RPL11: variants seen among roughly 807,000 people sequenced by gnomAD.
RPL11 encodes the protein large ribosomal subunit protein uL5.
Under a neutral mutation model 24.1 loss-of-function variants are expected in RPL11, and 3 were observed. The observed-to-expected ratio is 0.12, with a 90% CI of 0.06 to 0.32. The LOEUF is 0.32. Ranked by LOEUF, RPL11 falls within the 10% of genes least tolerant of loss-of-function variation. RPL11 has a pLI of 1.00. For synonymous variants in RPL11, 96 were observed against 75.7 expected (o/e 1.27, Z -1.39); for missense variants, 146 against 225.7 (o/e 0.65, Z 2.26).
Position 23,696,394 on chromosome 1 carries a change from G to A in RPL11, c.*21G>A, listed in dbSNP as rs1415275080. The stretch of plus-strand genomic sequence containing the variant: ...AATAAATTCCCGTTTCTATCCAAAA[G>A]AGCAATAAAAAGTTTTCAGTGAAAT... On this transcript the variant is annotated 3_prime_UTR_variant, in exon 6 of 6. Transcript: ENST00000643754. 45 of 1,611,822 alleles carry A rather than the reference G, an allele frequency of 2.8e-5. No homozygotes were observed. The highest frequency in any genetic ancestry group is 4.0e-5 in the African/African-American group (3 of 74,892).
At chr1:23,692,507 G>C in intron 1 of RPL11, 102 bp from the exon 2 acceptor site, 1 of 1,483,180 alleles carries the variant, frequency 6.7e-7, no homozygotes, top group African/African-American at 1.4e-5. Flanking sequence ...TCTTCGTTAC[G>C]ATTTGGGATG....
At chr1:23,694,190 A>G (rs143484016) in intron 3 of RPL11, among the ~76,000 whole-genome samples, 3,493 of 152,220 alleles carry the variant, frequency 0.023, 66 homozygotes, top group African/African-American at 0.052. Context: ...ATCCTGGCCA[A>G]CATGGTGAAA....
At chr1:23,692,365 C>T in intron 1 of RPL11, 1 of 510,802 alleles carries the variant, frequency 2.0e-6, no homozygotes, top group East Asian at 3.6e-5. Flanking sequence ...ATCTCAGTGT[C>T]CGTATCTTTT....
chr1:23,693,706 T>G (rs1644515877), intron 2 of RPL11, 101 bp from the exon 3 acceptor site: 1 of 792,622 alleles, frequency 1.3e-6, no homozygotes, highest in Non-Finnish European at 2.2e-6. Flanking sequence ...TGTGGATGAA[T>G]GCTTAATGTC....
intron 4 of RPL11, chr1:23,695,581 G>A (rs1355198765): frequency 1.7e-6 from 1 of 593,218 alleles, no homozygotes; most frequent in Non-Finnish European, 3.1e-6. Context: ...GGTTAGGGGG[G>A]TGCTGAAAGT....
At chr1:23,695,431 T>C (rs1028267572) in intron 4 of RPL11, 4 of 305,620 alleles carry the variant, frequency 1.3e-5, no homozygotes, top group East Asian at 8.0e-5. Flanking sequence ...GAAGAAAATA[T>C]ATATATTTGT....
At chr1:23,692,205 C>T in intron 1 of RPL11, 1 of 447,062 alleles carries the variant, frequency 2.2e-6, no homozygotes, top group Admixed American at 3.7e-5. Flanking sequence ...AAGGTGCCAG[C>T]CTTTAGACAG....
intron 4 of RPL11, 72 bp downstream of exon 4, chr1:23,694,863 T>C: frequency 6.2e-7 from 1 of 1,605,844 alleles, no homozygotes; most frequent in Non-Finnish European, 8.5e-7. Flanking sequence ...ATGTGGTATG[T>C]TGGTGTTCAC....
In RPL11 at chr1:23,696,397, C is replaced by T. The variant is rs1337416866; in HGVS notation, c.*24C>T. ...AAATTCCCGTTTCTATCCAAAAGAG[C>T]AATAAAAAGTTTTCAGTGAAATGTG... On this transcript the variant is annotated 3_prime_UTR_variant, in exon 6 of 6. Transcript: ENST00000643754. The T allele has an allele frequency of 8.7e-6, 14 of 1,609,662 alleles. No homozygotes were observed. The highest frequency in any genetic ancestry group is 4.4e-5 in the South Asian group (4 of 90,958).
At chr1:23,694,384 A>T (rs1242010937) in intron 3 of RPL11, among the ~76,000 whole-genome samples, 1 of 152,102 alleles carries the variant, frequency 6.6e-6, no homozygotes, top group East Asian at 1.9e-4. Flanking sequence ...GTCTCAAAAA[A>T]AAAAAAGAAA....
chr1:23,692,488 C>T, intron 1 of RPL11, 121 bp from the exon 2 acceptor site: 7 of 1,286,588 alleles, frequency 5.4e-6, no homozygotes, highest in South Asian at 3.6e-5. Context: ...ACCTTTTAAA[C>T]ATTCAGGGTC....
chr1:23,695,914 G>A lies in RPL11; in HGVS notation c.507+6G>A. The stretch of plus-strand genomic sequence containing the variant: ...TGCGCTGGTTCCAGCAGAAGGTAAA[G>A]CTGATTTATCTCAAGTGAAGTGGTG... On this transcript the variant is annotated splice_donor_region_variant and intron_variant, in intron 5 of 5. Coordinates refer to ENST00000643754, the MANE Select transcript of RPL11 (RefSeq NM_000975.5). 2 of 1,568,100 alleles carry A rather than the reference G, an allele frequency of 1.3e-6. No individual in the cohort carries two copies. The highest frequency in any genetic ancestry group is 1.2e-5 in the South Asian group (1 of 85,070).
chr1:23,692,111 AG>A, intron 1 of RPL11: 14 of 567,900 alleles, frequency 2.5e-5, no homozygotes, highest in East Asian at 9.0e-5. Flanking sequence ...GTTCTGAGGC[AG>A]GGGGGTCCGG....
rs1644509000 is a variant in RPL11 at position 23,692,742 on chromosome 1, C to A, written c.140C>A (p.Thr47Asn). 2 of 1,613,664 alleles carry A rather than the reference C, an allele frequency of 1.2e-6. No homozygotes were observed. Among genetic ancestry groups the A allele is most frequent in the Admixed American group, 3.3e-5 (2 of 59,988 alleles). Residue 47 changes from threonine to asparagine, a missense_variant, in exon 2 of 6, where the codon ACC becomes AAC. By Grantham distance (65) the Thr-to-Asn change is moderately conservative. Transcript: ENST00000643754. ...GTGTTGGAGCAGCTCACAGGGCAGA[C>A]CCCTGTGTTTTCCAAAGGTGAGTAG... ...AKVLEQLTGQ[T>N]PVFSKARYTV...
intron 5 of RPL11, 35 bp from the exon 6 acceptor site, chr1:23,696,309 C>G (rs776720479): frequency 1.2e-6 from 2 of 1,609,034 alleles, no homozygotes; most frequent in Non-Finnish European, 1.7e-6. Flanking sequence ...GCTGTTGCCT[C>G]CTGTTCTGAA....
In RPL11 at chr1:23,692,756, A is replaced by G. The variant is rs571585774; in HGVS notation, c.154A>G (p.Lys52Glu). 1 of 1,613,476 alleles carries G rather than the reference A, an allele frequency of 6.2e-7. No homozygotes were observed. The highest frequency in any genetic ancestry group is 8.5e-7 in the Non-Finnish European group (1 of 1,179,928). The change falls in exon 2 of 6, where the codon AAA becomes GAA. Residue 52 changes from lysine to glutamate, a missense_variant. Lys to Glu is a moderately conservative substitution (Grantham distance 56, BLOSUM62 1). Coordinates refer to ENST00000643754, the MANE Select transcript of RPL11 (RefSeq NM_000975.5). Reference protein sequence around the residue: ...QLTGQTPVFSKARYTVRSFGI... With the variant: ...QLTGQTPVFSEARYTVRSFGI... ...CACAGGGCAGACCCCTGTGTTTTCC[A>G]AAGGTGAGTAGTCACAAGGACATAC... is the stretch of plus-strand genomic sequence containing the variant.
rs936634614 is a variant in RPL11, at chr1:23,696,706, C to T, written c.*333C>T. ...CTTGGTTAAGCAGGGTGCAGTGCTCCTGTGTTCCAGGAGGCCCCCTGCTAT... is the reference window on the plus strand; with the variant it reads ...CTTGGTTAAGCAGGGTGCAGTGCTCTTGTGTTCCAGGAGGCCCCCTGCTAT... On this transcript the variant is annotated 3_prime_UTR_variant, in exon 6 of 6. Transcript: ENST00000643754. 11 of 426,806 alleles carry T rather than the reference C, an allele frequency of 2.6e-5. No individual in the cohort carries two copies. Among genetic ancestry groups the T allele is most frequent in the Non-Finnish European group, 4.3e-5 (10 of 230,336 alleles). 26.4% of individuals were successfully genotyped at this position (426,806 alleles called of 1,614,324 possible).
At position 23,692,564 on chromosome 1, in the gene RPL11, G is replaced by T. The variant is rs763978783; in HGVS notation, c.7-45G>T. 4.3e-6 allele frequency: 7 copies of T among 1,612,908 alleles called. No homozygotes were observed. The African/African-American group carries it at 9.3e-5, about 22-fold the overall frequency. ...CAGATAGAAAGTAGTAAAACTCAGGGCCCTCAGCTGTGAGTGTATTGACTG... is the reference window on the plus strand; with the variant it reads ...CAGATAGAAAGTAGTAAAACTCAGGTCCCTCAGCTGTGAGTGTATTGACTG... On this transcript the variant is annotated intron_variant, in intron 1 of 5. Transcript: ENST00000643754.
intron 1 of RPL11, chr1:23,692,322 C>T: frequency 6.7e-6 from 3 of 445,326 alleles, no homozygotes; most frequent in South Asian, 4.7e-5. Context: ...ACAATGGGGG[C>T]GCTCTTTGTT....
Sources: gnomAD v4.1 joint callset for allele counts (sites outside exome capture counted in the v4.1 genomes callset) on GRCh38, gnomAD v4.1.1 for gene constraint, MANE v1.5 for transcripts, NCBI Gene and HGNC (gene_info 2026-07-23, HGNC 2026-07-21) for gene names.